P2RX5: variants seen among roughly 807,000 people sequenced by gnomAD.
The protein encoded by P2RX5 is P2X purinoceptor 5.
A neutral mutation model predicts 54.1 loss-of-function variants in P2RX5; 46 were observed. The ratio of observed to expected loss-of-function variants is 0.85; its 90% CI spans 0.67 to 1.09. P2RX5 has a LOEUF of 1.09. Ranked by LOEUF, P2RX5 falls within the 50% of genes least tolerant of loss-of-function variation. The pLI is 0.00. For synonymous variants in P2RX5, 226 were observed against 226.4 expected (o/e 1.00, Z 0.02); for missense variants, 566 against 549.8 (o/e 1.03, Z -0.29).
At chr17:3,708,541 T>C in the P2RX5 span, among the ~76,000 whole-genome samples, 4 of 151,702 alleles carry the variant, frequency 2.6e-5, no homozygotes. Context: ...TATAATTATA[T>C]ACCCATTAAG....
Position 3,690,100 on chromosome 17 carries a change from T to C in P2RX5, c.584A>G (p.His195Arg). The change falls in exon 6 of 12, where the codon CAC (histidine) becomes CGC (arginine). Residue 195 changes from histidine (H) to arginine (R), a missense_variant. Physicochemically the swap from His to Arg is conservative, Grantham distance 29. Transcript: ENST00000225328. The part of the protein sequence containing the change: ...AEDFTIFIKN[H>R]IRFPKFNFSK... Reference sequence around the variant, plus strand: ...GAAGTTGAATTTGGGGAAACGGATGTGGTTCTTTATGAAAATGGTGAAGTC... The same window carrying C: ...GAAGTTGAATTTGGGGAAACGGATGCGGTTCTTTATGAAAATGGTGAAGTC... 3 of 1,614,180 alleles carry C rather than the reference T, an allele frequency of 1.9e-6. No individual in the cohort carries two copies. Among genetic ancestry groups the C allele is most frequent in the Non-Finnish European group, 2.5e-6 (3 of 1,180,008 alleles).
intron 1 of P2RX5, among the ~76,000 whole-genome samples, chr17:3,694,717 T>C (rs2050709063): frequency 6.6e-6 from 1 of 152,236 alleles, no homozygotes; most frequent in African/African-American, 2.4e-5. Flanking sequence ...CTCCATTTAT[T>C]CATTCATGCG....
chr17:3,720,231 CAG>C, the P2RX5 span: 1 of 720,694 alleles, frequency 1.4e-6, no homozygotes, highest in Admixed American at 2.1e-5. Flanking sequence ...AAGAGGGCAA[CAG>C]AATGTCTGTG....
At chr17:3,695,802 A>G (rs2143002392) in intron 1 of P2RX5, 67 bp downstream of exon 1, 4 of 1,588,230 alleles carry the variant, frequency 2.5e-6, no homozygotes, top group Non-Finnish European at 3.5e-6. Context: ...GACCCTGGAG[A>G]AGGACGCGGC....
At chr17:3,683,495 C>G (rs1299891649) in intron 9 of P2RX5, among the ~76,000 whole-genome samples, 1 of 152,188 alleles carries the variant, frequency 6.6e-6, no homozygotes, top group Non-Finnish European at 1.5e-5. Flanking sequence ...CACTGGGAGG[C>G]CGAGGTGGGC....
At chr17:3,694,249 C>T (rs1424105825) in intron 1 of P2RX5, among the ~76,000 whole-genome samples, 3 of 149,512 alleles carry the variant, frequency 2.0e-5, no homozygotes, top group South Asian at 2.1e-4. Flanking sequence ...AAAAAAAGGC[C>T]GCATACTATA....
At chr17:3,720,655 C>T in the P2RX5 span, 1 of 293,934 alleles carries the variant, frequency 3.4e-6, no homozygotes, top group Non-Finnish European at 6.4e-6. Flanking sequence ...GATCTCGGCT[C>T]ACTGCAACCT....
chr17:3,691,228 C>T (rs1425086076), intron 2 of P2RX5, among the ~76,000 whole-genome samples: 1 of 152,234 alleles, frequency 6.6e-6, no homozygotes, highest in Non-Finnish European at 1.5e-5. Flanking sequence ...CCTCCAGACT[C>T]ACAAACCCCA....
chr17:3,697,547 C>G (rs995840698), upstream of P2RX5, among the ~76,000 whole-genome samples: 2 of 152,138 alleles, frequency 1.3e-5, no homozygotes, highest in African/African-American at 4.8e-5. Flanking sequence ...GGAAGGTACC[C>G]TGAAATTCAT....
chr17:3,697,975 T>C (rs569396866), upstream of P2RX5, among the ~76,000 whole-genome samples: 28 of 152,106 alleles, frequency 1.8e-4, no homozygotes, highest in African/African-American at 6.5e-4. Flanking sequence ...GACATCTCTG[T>C]ATGTCCCTGT....
At chr17:3,711,638 C>T in the P2RX5 span, among the ~76,000 whole-genome samples, 1 of 152,024 alleles carries the variant, frequency 6.6e-6, no homozygotes, top group Non-Finnish European at 1.5e-5. Context: ...CACGTCGGCG[C>T]CTCCCGAAGT....
the P2RX5 span, among the ~76,000 whole-genome samples, chr17:3,711,631 G>A: frequency 1.3e-5 from 2 of 151,948 alleles, no homozygotes; most frequent in Admixed American, 6.6e-5. Flanking sequence ...ATCTGCCCAC[G>A]TCGGCGCCTC....
Position 3,690,378 on chromosome 17 carries a change from C to T in P2RX5, c.533+49G>A, listed in dbSNP as rs377199188. On this transcript the variant is annotated intron_variant, in intron 5 of 11. Transcript: ENST00000225328. ...ACTCCACCCTCAGGCTGGGACCCACCGCACGGGGCTGGGAAACCCCTCAGG... is the reference window on the plus strand; with the variant it reads ...ACTCCACCCTCAGGCTGGGACCCACTGCACGGGGCTGGGAAACCCCTCAGG... The T allele has an allele frequency of 1.1e-4, 161 of 1,434,866 alleles. No homozygotes were observed. The East Asian group carries it at 2.2e-3, about 20-fold the overall frequency. 88.9% of individuals were successfully genotyped at this position (1,434,866 alleles called of 1,614,324 possible). A position where few individuals can be genotyped will look rare whatever the true frequency, so the allele number is the denominator to read the frequency against.
intron 9 of P2RX5, among the ~76,000 whole-genome samples, chr17:3,684,517 G>T (rs964826838): frequency 1.3e-5 from 2 of 152,180 alleles, no homozygotes; most frequent in African/African-American, 4.8e-5. Context: ...TGGGAGGATC[G>T]CTTGAGCCCA....
chr17:3,677,581 G>A (rs371910443), intron 11 of P2RX5: 9 of 985,384 alleles, frequency 9.1e-6, no homozygotes, highest in African/African-American at 3.5e-5. Context: ...CAGGGATTTC[G>A]GAAACCCTGC....
chr17:3,708,256 T>C, the P2RX5 span, among the ~76,000 whole-genome samples: 6 of 151,998 alleles, frequency 3.9e-5, no homozygotes, highest in Non-Finnish European at 5.9e-5. Flanking sequence ...CTGTAAGACT[T>C]AGCTCCCCCA....
At chr17:3,688,828 C>A in intron 7 of P2RX5, 69 bp from the exon 8 acceptor site, 2 of 1,564,036 alleles carry the variant, frequency 1.3e-6, no homozygotes, top group South Asian at 1.1e-5. Context: ...CAGGCCAGCC[C>A]TTCACCGGCA....
intron 11 of P2RX5, among the ~76,000 whole-genome samples, chr17:3,678,731 A>T (rs530013165): frequency 1.3e-5 from 2 of 152,364 alleles, no homozygotes; most frequent in African/African-American, 4.8e-5. Context: ...AAGGTCAGTG[A>T]GTACCTGGGG....
intron 11 of P2RX5, chr17:3,676,123 C>G (rs150849): frequency 0.41 from 401,561 of 985,188 alleles, 84,052 homozygotes; most frequent in African/African-American, 0.65. Context: ...GGCGCTGGAG[C>G]ACTTTTCTGC....
Sources: gnomAD v4.1 joint callset for allele counts (sites outside exome capture counted in the v4.1 genomes callset) on GRCh38, gnomAD v4.1.1 for gene constraint, MANE v1.5 for transcripts, NCBI Gene and HGNC (gene_info 2026-07-23, HGNC 2026-07-21) for gene names.